Variants in MB21D2 observed in about 807,000 individuals in gnomAD.
MB21D2 encodes the protein nucleotidyltransferase MB21D2.
In MB21D2, 9 loss-of-function variants were observed where a neutral mutation model predicts 33.3. The ratio of observed to expected loss-of-function variants is 0.27; its 90% CI spans 0.16 to 0.47. The LOEUF (loss-of-function observed/expected upper bound fraction) is 0.47, where lower values mean the gene tolerates loss of function less well. Ranked by LOEUF, MB21D2 falls within the 20% of genes least tolerant of loss-of-function variation. The pLI is 0.99. For missense variants in MB21D2, 540 were observed against 624.6 expected (o/e 0.86, Z 1.44); for synonymous variants, 241 against 236.3 (o/e 1.02, Z -0.18).
Position 192,855,615 on chromosome 3 carries a change from G to A in MB21D2, c.212-55965C>T, listed in dbSNP as rs532654479. On this transcript the variant is annotated intron_variant, in intron 1 of 1. Coordinates refer to ENST00000392452, the MANE Select transcript of MB21D2 (RefSeq NM_178496.4). ...TACAAATAAGGAAACTGAAGTTCCA[G>A]TTTCTAAAACACAGAGTCAAAACAC... Among the ~76,000 whole-genome samples the A allele has an allele frequency of 5.8e-4, 89 of 152,330 alleles. 1 individual carries two copies. The highest frequency in any genetic ancestry group is 1.7e-3 in the African/African-American group (70 of 41,580).
chr3:192,907,645 A>G (rs1714241757), intron 1 of MB21D2, among the ~76,000 whole-genome samples: 1 of 152,236 alleles, frequency 6.6e-6, no homozygotes, highest in Non-Finnish European at 1.5e-5. Flanking sequence ...ACCTAAGGAT[A>G]ATACCATACC....
chr3:192,814,809 G>A (rs1711882736), intron 1 of MB21D2, among the ~76,000 whole-genome samples: 1 of 150,968 alleles, frequency 6.6e-6, no homozygotes, highest in South Asian at 2.1e-4. Context: ...AGCTTGCAGT[G>A]AGCTGAGATT....
intron 1 of MB21D2, among the ~76,000 whole-genome samples, chr3:192,896,900 G>C (rs1713987204): frequency 6.6e-6 from 1 of 152,164 alleles, no homozygotes; most frequent in Non-Finnish European, 1.5e-5. Context: ...GATGAAAGGA[G>C]CAGAGCTGCC....
intron 1 of MB21D2, among the ~76,000 whole-genome samples, chr3:192,844,913 G>A (rs954077711): frequency 3.3e-5 from 5 of 152,122 alleles, no homozygotes; most frequent in East Asian, 1.9e-4. Context: ...TCGGCCAGGC[G>A]GTTGGCAGCC....
chr3:192,895,000 T>C (rs1315243624), intron 1 of MB21D2, among the ~76,000 whole-genome samples: 2 of 147,856 alleles, frequency 1.4e-5, no homozygotes, highest in Non-Finnish European at 3.0e-5. Flanking sequence ...ATCAAACTCA[T>C]CACCAACTCT....
intron 1 of MB21D2, among the ~76,000 whole-genome samples, chr3:192,898,363 T>A (rs542810465): frequency 6.6e-6 from 1 of 152,008 alleles, no homozygotes; most frequent in African/African-American, 2.4e-5. Flanking sequence ...CTTTTCTTAA[T>A]TGAGAAAAAA....
At chr3:192,834,458 A>T (rs1712390578) in intron 1 of MB21D2, among the ~76,000 whole-genome samples, 1 of 150,836 alleles carries the variant, frequency 6.6e-6, no homozygotes, top group South Asian at 2.1e-4. Flanking sequence ...AAGAAAAAAG[A>T]CAAAAATCCA....
At chr3:192,841,379 G>A (rs1007587537) in intron 1 of MB21D2, among the ~76,000 whole-genome samples, 6 of 152,224 alleles carry the variant, frequency 3.9e-5, no homozygotes, top group African/African-American at 1.2e-4. Context: ...ACAAATAAGC[G>A]TGATGGTTTT....
intron 1 of MB21D2, among the ~76,000 whole-genome samples, chr3:192,894,721 C>T (rs1485800567): frequency 6.6e-6 from 1 of 152,100 alleles, no homozygotes; most frequent in Non-Finnish European, 1.5e-5. Context: ...CCACCTTCCA[C>T]CATTCTTTAA....
At chr3:192,820,165 A>C (rs984809282) in intron 1 of MB21D2, among the ~76,000 whole-genome samples, 2 of 152,208 alleles carry the variant, frequency 1.3e-5, no homozygotes, top group African/African-American at 4.8e-5. Flanking sequence ...TATAACAGCA[A>C]GTCAGAGCTA....
intron 1 of MB21D2, among the ~76,000 whole-genome samples, chr3:192,863,162 A>C: frequency 6.6e-6 from 1 of 152,308 alleles, no homozygotes; most frequent in East Asian, 1.9e-4. Context: ...CAAGATAAGG[A>C]ACACCAAGGG....
intron 1 of MB21D2, among the ~76,000 whole-genome samples, chr3:192,838,836 T>A (rs1333997487): frequency 6.6e-6 from 1 of 152,200 alleles, no homozygotes; most frequent in Non-Finnish European, 1.5e-5. Flanking sequence ...TCTGCCCTCA[T>A]GGAATCTTGG....
chr3:192,822,930 T>G (rs1472568959), intron 1 of MB21D2, among the ~76,000 whole-genome samples: 1 of 152,202 alleles, frequency 6.6e-6, no homozygotes, highest in East Asian at 1.9e-4. Flanking sequence ...TGAGATCACC[T>G]GAAAACGTGT....
chr3:192,796,929 T>C lies in MB21D2; in HGVS notation c.*1457A>G, dbSNP rs1432032937. 3 of 152,642 alleles carry C rather than the reference T, an allele frequency of 2.0e-5. No individual in the cohort carries two copies. Among genetic ancestry groups the C allele is most frequent in the African/African-American group, 7.2e-5 (3 of 41,440 alleles). The allele number at this position is 152,642 out of a possible 1,614,324, so 9.5% of individuals were successfully genotyped here. A position where few individuals can be genotyped will look rare whatever the true frequency, so the allele number is the denominator to read the frequency against. Reference sequence around the variant, plus strand: ...TTAATTTCCATGCAAAAACCCAAGATCGCATATGTCTGATTTCAATTGGCC... The same window carrying C: ...TTAATTTCCATGCAAAAACCCAAGACCGCATATGTCTGATTTCAATTGGCC... On this transcript the variant is annotated 3_prime_UTR_variant, in exon 2 of 2. Transcript: ENST00000392452.
chr3:192,893,108 T>C lies in MB21D2; in HGVS notation c.211+24522A>G, dbSNP rs565579782. Among the ~76,000 whole-genome samples the C allele has an allele frequency of 1.1e-4, 16 of 152,182 alleles. No homozygotes were observed. In the East Asian group the frequency reaches 2.1e-3, roughly 20 times the overall value. Reference sequence around the variant, plus strand: ...CAGCCCAGCCAGCTGCCCAGAGCTTTTGCACCACCAAAAGCAGCAGGGGCC... The same window carrying C: ...CAGCCCAGCCAGCTGCCCAGAGCTTCTGCACCACCAAAAGCAGCAGGGGCC... On this transcript the variant is annotated intron_variant, in intron 1 of 1. Transcript: ENST00000392452.
chr3:192,837,028 A>C (rs1394071137), intron 1 of MB21D2, among the ~76,000 whole-genome samples: 4 of 152,120 alleles, frequency 2.6e-5, no homozygotes, highest in Non-Finnish European at 1.5e-5. Flanking sequence ...GACCATACCC[A>C]GGGTATGGCC....
At chr3:192,877,659 T>G (rs1025084784) in intron 1 of MB21D2, among the ~76,000 whole-genome samples, 1 of 152,230 alleles carries the variant, frequency 6.6e-6, no homozygotes, top group Non-Finnish European at 1.5e-5. Flanking sequence ...ACATATATAC[T>G]GTACAACATG....
intron 1 of MB21D2, among the ~76,000 whole-genome samples, chr3:192,881,727 C>T (rs1286841491): frequency 2.0e-5 from 3 of 152,208 alleles, no homozygotes; most frequent in Admixed American, 6.5e-5. Context: ...AGAAACCTGG[C>T]GGCACTGGCC....
chr3:192,900,936 G>A (rs1171648418), intron 1 of MB21D2, among the ~76,000 whole-genome samples: 4 of 111,582 alleles, frequency 3.6e-5, no homozygotes, highest in African/African-American at 1.3e-4. Flanking sequence ...GCGAGACTCT[G>A]TCTCAAAAAA....
Sources: gnomAD v4.1 joint callset for allele counts (sites outside exome capture counted in the v4.1 genomes callset) on GRCh38, gnomAD v4.1.1 for gene constraint, MANE v1.5 for transcripts, NCBI Gene and HGNC (gene_info 2026-07-23, HGNC 2026-07-21) for gene names.